The following CNTNAP2 variants were observed in gnomAD, a reference collection of about 807,000 sequenced individuals.
The protein encoded by CNTNAP2 is contactin-associated protein-like 2.
A neutral mutation model predicts 155.2 loss-of-function variants in CNTNAP2; 98 were observed. That is an observed-to-expected ratio of 0.63 (90% CI 0.54 to 0.75). CNTNAP2 has a LOEUF of 0.75. Ranked by LOEUF, CNTNAP2 falls within the 30% of genes least tolerant of loss-of-function variation. CNTNAP2 has a pLI of 0.00. For missense variants in CNTNAP2, 1,727 were observed against 1,688.1 expected (o/e 1.02, Z -0.40); for synonymous variants, 651 against 631.2 (o/e 1.03, Z -0.47).
chr7:148,281,478 G>A (rs189959721), intron 21 of CNTNAP2, among the ~76,000 whole-genome samples: 1 of 152,218 alleles, frequency 6.6e-6, no homozygotes, highest in Non-Finnish European at 1.5e-5. Flanking sequence ...TCATTGAAGT[G>A]ATAGGTGAGA....
chr7:146,252,114 C>T (rs897611910), intron 1 of CNTNAP2, among the ~76,000 whole-genome samples: 1 of 152,152 alleles, frequency 6.6e-6, no homozygotes, highest in East Asian at 1.9e-4. Flanking sequence ...GAGACAGAGG[C>T]TGAGCCAAAT....
chr7:147,911,741 T>A (rs1452391354), intron 14 of CNTNAP2, among the ~76,000 whole-genome samples: 2 of 152,240 alleles, frequency 1.3e-5, no homozygotes, highest in African/African-American at 4.8e-5. Context: ...TCACTTAGTA[T>A]AATGTCCTTA....
At chr7:148,361,016 C>T (rs992444032) in intron 21 of CNTNAP2, among the ~76,000 whole-genome samples, 2 of 152,022 alleles carry the variant, frequency 1.3e-5, no homozygotes, top group African/African-American at 4.8e-5. Context: ...ACCATGTTGA[C>T]CAGGCTGGTC....
At chr7:147,438,785 G>C (rs1366436872) in intron 10 of CNTNAP2, among the ~76,000 whole-genome samples, 2 of 151,814 alleles carry the variant, frequency 1.3e-5, no homozygotes, top group Non-Finnish European at 2.9e-5. Context: ...AGTCTGTTCA[G>C]GTTTTGAATT....
chr7:146,836,351 C>G (rs1803616862), intron 2 of CNTNAP2, among the ~76,000 whole-genome samples: 1 of 152,112 alleles, frequency 6.6e-6, no homozygotes, highest in Non-Finnish European at 1.5e-5. Context: ...TGGCCATACT[C>G]TTTTGTGTAT....
At chr7:148,084,826 T>C (rs192761259) in intron 15 of CNTNAP2, among the ~76,000 whole-genome samples, 16 of 152,334 alleles carry the variant, frequency 1.1e-4, no homozygotes, top group Admixed American at 3.3e-4. Flanking sequence ...CTGACATTGT[T>C]TGTTTAATAA....
chr7:148,245,484 C>T (rs1000279743), intron 20 of CNTNAP2, among the ~76,000 whole-genome samples: 9 of 152,196 alleles, frequency 5.9e-5, no homozygotes, highest in Non-Finnish European at 1.2e-4. Flanking sequence ...GCATATTCTG[C>T]GCGCTGCTCT....
chr7:146,317,664 T>A (rs1039629477), intron 1 of CNTNAP2, among the ~76,000 whole-genome samples: 2 of 152,370 alleles, frequency 1.3e-5, no homozygotes, highest in South Asian at 4.1e-4. Flanking sequence ...CTATTCTTTT[T>A]TAATTGGTTC....
intron 13 of CNTNAP2, among the ~76,000 whole-genome samples, chr7:147,744,711 C>A (rs975468365): frequency 3.3e-5 from 5 of 152,172 alleles, no homozygotes; most frequent in African/African-American, 9.7e-5. Flanking sequence ...GGCTTGCTGA[C>A]GGCTGCCTTC....
intron 1 of CNTNAP2, among the ~76,000 whole-genome samples, chr7:146,615,900 AC>A (rs767483606): frequency 3.9e-5 from 6 of 152,150 alleles, no homozygotes; most frequent in Admixed American, 2.6e-4. Context: ...TTGGGATCAT[AC>A]CAGTGCTTCC....
At chr7:147,469,597 C>A (rs1260491657) in intron 10 of CNTNAP2, among the ~76,000 whole-genome samples, 1 of 147,202 alleles carries the variant, frequency 6.8e-6, no homozygotes, top group Admixed American at 7.0e-5. Flanking sequence ...CGGCTCACTG[C>A]AAGCTCCGCC....
At chr7:148,378,693 C>T (rs1585320679) in intron 21 of CNTNAP2, among the ~76,000 whole-genome samples, 2 of 66,560 alleles carry the variant, frequency 3.0e-5, no homozygotes, top group African/African-American at 7.4e-5. Context: ...GCTAAAAATA[C>T]GTAATATAAA....
chr7:148,414,042 T>G (rs954059109), intron 23 of CNTNAP2, among the ~76,000 whole-genome samples: 4 of 152,132 alleles, frequency 2.6e-5, no homozygotes, highest in African/African-American at 9.7e-5. Context: ...TTTTATCTAA[T>G]CTGTATTATT....
At chr7:147,701,799 C>T (rs779687472) in intron 13 of CNTNAP2, among the ~76,000 whole-genome samples, 2 of 152,196 alleles carry the variant, frequency 1.3e-5, no homozygotes, top group Non-Finnish European at 2.9e-5. Flanking sequence ...GTTATAAGGC[C>T]GAACTTCCCT....
intron 1 of CNTNAP2, among the ~76,000 whole-genome samples, chr7:146,369,082 C>T (rs1341463534): frequency 6.9e-6 from 1 of 145,834 alleles, no homozygotes; most frequent in Non-Finnish European, 1.5e-5. Context: ...ACTCTTCATT[C>T]ATTTTTGTGA....
At chr7:147,615,303 A>G (rs13244820) in intron 12 of CNTNAP2, among the ~76,000 whole-genome samples, 1 of 147,698 alleles carries the variant, frequency 6.8e-6, no homozygotes, top group African/African-American at 2.5e-5. Flanking sequence ...AAAAAAAAAA[A>G]AAAAAAAGAC....
intron 1 of CNTNAP2, among the ~76,000 whole-genome samples, chr7:146,239,815 C>G (rs1400314238): frequency 2.6e-5 from 4 of 152,122 alleles, no homozygotes; most frequent in Admixed American, 2.0e-4. Flanking sequence ...CAAACTGAAC[C>G]AGGTTATCTT....
At chr7:147,608,601 C>A (rs1445894723) in intron 12 of CNTNAP2, among the ~76,000 whole-genome samples, 1 of 152,058 alleles carries the variant, frequency 6.6e-6, no homozygotes, top group African/African-American at 2.4e-5. Flanking sequence ...CACACCTGGC[C>A]ATCAACTACA....
In CNTNAP2 at chr7:148,114,541, C is replaced by T. The variant is rs561623777; in HGVS notation, c.2384-3577C>T. 3.3e-5 allele frequency among the ~76,000 whole-genome samples: 5 copies of T among 152,262 alleles called. No individual in the cohort carries two copies. In the South Asian group the frequency reaches 1.0e-3, roughly 32 times the overall value. ...GAGCAGTATCAACAAACAATAATAA[C>T]TCTTTGCATCCAGAAGCGCTATCAG... On this transcript the variant is annotated intron_variant, in intron 15 of 23. Transcript: ENST00000361727.
Sources: allele counts gnomAD v4.1 joint callset (sites outside exome capture counted in the v4.1 genomes callset), GRCh38; gene constraint gnomAD v4.1.1; transcripts MANE v1.5; gene names NCBI Gene and HGNC (gene_info 2026-07-23, HGNC 2026-07-21).